Variants in RNF217 observed in about 807,000 individuals in gnomAD.
RNF217 encodes E3 ubiquitin-protein ligase RNF217.
Under a neutral mutation model 57.8 loss-of-function variants are expected in RNF217, and 31 were observed. The observed-to-expected ratio is 0.54, with a 90% CI of 0.40 to 0.72. RNF217 has a LOEUF of 0.72. RNF217 is among the 30% of genes least tolerant of loss of function. The pLI is 0.00. For synonymous variants in RNF217, 313 were observed against 294.0 expected (o/e 1.06, Z -0.66); for missense variants, 696 against 708.3 (o/e 0.98, Z 0.20).
At chr6:124,985,853 T>C (rs914449607) in intron 1 of RNF217, among the ~76,000 whole-genome samples, 2 of 152,216 alleles carry the variant, frequency 1.3e-5, no homozygotes, top group African/African-American at 2.4e-5. Context: ...TAACATTTAT[T>C]AATAAAGGGG....
At chr6:125,015,946 A>C (rs1785586610) in intron 1 of RNF217, among the ~76,000 whole-genome samples, 1 of 152,186 alleles carries the variant, frequency 6.6e-6, no homozygotes, top group Admixed American at 6.5e-5. Flanking sequence ...CACCAGCATA[A>C]GTAGATCTTA....
rs1168063748 is a variant in RNF217, at chr6:125,083,782, A to G, written c.*845A>G. On this transcript the variant is annotated 3_prime_UTR_variant, in exon 6 of 6. Coordinates refer to ENST00000521654, the MANE Select transcript of RNF217 (RefSeq NM_001286398.3). ...TTCTTTTTGTCACACAAACACAGAA[A>G]TTTGTGCAACGTCACCCCAAGGAGT... 1 of 152,102 alleles carries G rather than the reference A, an allele frequency of 6.6e-6. No individual in the cohort carries two copies. The highest frequency in any genetic ancestry group is 2.4e-5 in the African/African-American group (1 of 41,440). 9.4% of individuals were successfully genotyped at this position (152,102 alleles called of 1,614,324 possible). A position where few individuals can be genotyped will look rare whatever the true frequency, so the allele number is the denominator to read the frequency against.
At chr6:125,004,981 G>T (rs1422464622) in intron 1 of RNF217, among the ~76,000 whole-genome samples, 1 of 152,160 alleles carries the variant, frequency 6.6e-6, no homozygotes, top group African/African-American at 2.4e-5. Flanking sequence ...TATGGTGCTG[G>T]CATCTGGTGA....
chr6:125,016,324 C>T (rs2114385880), intron 1 of RNF217, among the ~76,000 whole-genome samples: 1 of 152,138 alleles, frequency 6.6e-6, no homozygotes, highest in South Asian at 2.1e-4. Flanking sequence ...AAGAGAAAAA[C>T]ATCAGAAGCT....
In RNF217 at chr6:125,076,694, C is replaced by A. The variant is rs1788387600; in HGVS notation, c.1319C>A (p.Thr440Asn). 6.2e-7 allele frequency: 1 copy of A among 1,612,838 alleles called. No individual in the cohort carries two copies. Among genetic ancestry groups the A allele is most frequent in the Non-Finnish European group, 8.5e-7 (1 of 1,178,992 alleles). The change falls in exon 4 of 6, where the codon ACC (threonine) becomes AAC (asparagine). Residue 440 changes from threonine to asparagine, a missense_variant. Transcript: ENST00000521654. ...IQRTEGCDHM[T>N]CSQCNTNFCY... ...CGAACTGAAGGATGTGACCATATGA[C>A]CTGCTCACAATGTAACACTAATTTT... is the stretch of plus-strand genomic sequence containing the variant.
intron 1 of RNF217, among the ~76,000 whole-genome samples, chr6:125,034,775 A>C (rs1786530614): frequency 6.6e-6 from 1 of 152,074 alleles, no homozygotes; most frequent in South Asian, 2.1e-4. Flanking sequence ...TGAATCTATA[A>C]ATTACCTTGG....
In RNF217 at chr6:125,086,104, A is replaced by G. The variant is rs902034073; in HGVS notation, c.*3167A>G. 1 of 152,010 alleles carries G rather than the reference A, an allele frequency of 6.6e-6. No individual in the cohort carries two copies. Among genetic ancestry groups the G allele is most frequent in the African/African-American group, 2.4e-5 (1 of 41,438 alleles). 9.4% of individuals were successfully genotyped at this position (152,010 alleles called of 1,614,324 possible). A position where few individuals can be genotyped will look rare whatever the true frequency, so the allele number is the denominator to read the frequency against. On this transcript the variant is annotated 3_prime_UTR_variant, in exon 6 of 6. Coordinates refer to ENST00000521654, the MANE Select transcript of RNF217 (RefSeq NM_001286398.3). The stretch of plus-strand genomic sequence containing the variant: ...CATGAACATATCCATAAGGTTGTAC[A>G]TTTGTTTTTTACAAGATCTTTGTAA...
intron 1 of RNF217, among the ~76,000 whole-genome samples, chr6:125,022,781 A>C (rs995743342): frequency 6.6e-6 from 1 of 152,042 alleles, no homozygotes; most frequent in African/African-American, 2.4e-5. Context: ...ACACAATCAC[A>C]CTTCCTTCCC....
intron 3 of RNF217, among the ~76,000 whole-genome samples, chr6:125,074,981 A>G (rs139569888): frequency 6.6e-6 from 1 of 152,284 alleles, no homozygotes; most frequent in East Asian, 1.9e-4. Flanking sequence ...TTTTCAATAA[A>G]ATTTCTAAGC....
chr6:124,990,432 T>C, intron 1 of RNF217, among the ~76,000 whole-genome samples: 1 of 152,230 alleles, frequency 6.6e-6, no homozygotes, highest in East Asian at 1.9e-4. Flanking sequence ...TTATAAGAGA[T>C]ATCTCAAATT....
chr6:125,048,080 T>C, intron 2 of RNF217: 1 of 612,072 alleles, frequency 1.6e-6, no homozygotes, highest in Middle Eastern at 3.1e-4. Context: ...ACATTTTTCA[T>C]CATTAAACTC....
Position 124,962,905 on chromosome 6 carries a change from G to A in RNF217, c.361G>A (p.Gly121Arg), listed in dbSNP as rs747721486. The change falls in exon 1 of 6, where the codon GGG becomes AGG. Residue 121 changes from glycine (G) to arginine (R), a missense_variant. Physicochemically the swap from Gly to Arg is moderately radical, Grantham distance 125 (BLOSUM62 -2). Coordinates refer to ENST00000521654, the MANE Select transcript of RNF217 (RefSeq NM_001286398.3). This position sits in a 1 kb window ranked among gnomAD's most constrained non-coding sequence, Gnocchi z 4.6. ...GGAAGCTGGGGATCGAAAAGAGGGA[G>A]GGGATGAACAGCAGGAGGCGCCCCC... ...EEEAGDRKEGGDEQQEAPPGE... is the reference protein window; with the variant it reads ...EEEAGDRKEGRDEQQEAPPGE... 1.9e-6 allele frequency: 3 copies of A among 1,598,118 alleles called. No homozygotes were observed. The highest frequency in any genetic ancestry group is 2.5e-6 in the Non-Finnish European group (3 of 1,179,660).
At chr6:125,073,631 C>A (rs141836629) in intron 3 of RNF217, among the ~76,000 whole-genome samples, 2 of 152,192 alleles carry the variant, frequency 1.3e-5, no homozygotes, top group African/African-American at 4.8e-5. Flanking sequence ...TAACTCTCGA[C>A]CCTAGGTGCT....
chr6:125,033,673 A>G (rs1786467526), intron 1 of RNF217, among the ~76,000 whole-genome samples: 1 of 152,014 alleles, frequency 6.6e-6, no homozygotes, highest in Admixed American at 6.5e-5. Context: ...ATGTGTCTTT[A>G]TAGCAGCATG....
At chr6:125,061,029 T>G (rs1480462905) in intron 3 of RNF217, among the ~76,000 whole-genome samples, 3 of 152,196 alleles carry the variant, frequency 2.0e-5, no homozygotes, top group Non-Finnish European at 4.4e-5. Context: ...AACCATGAAC[T>G]GTGTAACACT....
At chr6:125,073,801 G>A (rs924592719) in intron 3 of RNF217, among the ~76,000 whole-genome samples, 6 of 152,142 alleles carry the variant, frequency 3.9e-5, no homozygotes, top group African/African-American at 9.7e-5. Context: ...GCATTTTTAG[G>A]TGGGTAAAGG....
chr6:125,066,028 GTTATCCCA>G (rs1787925880), intron 3 of RNF217, among the ~76,000 whole-genome samples: 1 of 152,070 alleles, frequency 6.6e-6, no homozygotes, highest in Non-Finnish European at 1.5e-5. Context: ...AGAACTTTAG[GTTATCCCA>G]GACTCTGCTT....
chr6:124,974,466 T>C (rs1436492820), intron 1 of RNF217, among the ~76,000 whole-genome samples: 1 of 152,196 alleles, frequency 6.6e-6, no homozygotes, highest in Non-Finnish European at 1.5e-5. Context: ...GTGAAAGCTA[T>C]TATCTTATAA....
At chr6:125,053,465 G>A (rs1205628481) in intron 2 of RNF217, among the ~76,000 whole-genome samples, 2 of 152,020 alleles carry the variant, frequency 1.3e-5, no homozygotes, top group African/African-American at 4.8e-5. Flanking sequence ...TCTTATATTT[G>A]CAGTGCTACT....
Sources: allele counts gnomAD v4.1 joint callset (sites outside exome capture counted in the v4.1 genomes callset), GRCh38; gene constraint gnomAD v4.1.1; non-coding constraint Gnocchi (gnomAD v3.1); transcripts MANE v1.5; gene names NCBI Gene and HGNC (gene_info 2026-07-23, HGNC 2026-07-21).